TRPC7: variants seen among roughly 807,000 people sequenced by gnomAD.
TRPC7 encodes short transient receptor potential channel 7.
Under a neutral mutation model 90.1 loss-of-function variants are expected in TRPC7, and 42 were observed. The ratio of observed to expected loss-of-function variants is 0.47; its 90% CI spans 0.36 to 0.60. The LOEUF (loss-of-function observed/expected upper bound fraction) is 0.60, where lower values mean the gene tolerates loss of function less well. Ranked by LOEUF, TRPC7 falls within the 20% of genes least tolerant of loss-of-function variation. TRPC7 has a pLI of 0.00. For synonymous variants in TRPC7, 451 were observed against 436.3 expected, an observed-to-expected ratio of 1.03 and a Z score of -0.42; for missense variants, 955 against 1,112.3, an observed-to-expected ratio of 0.86 and a Z score of 2.01.
intron 10 of TRPC7, among the ~76,000 whole-genome samples, chr5:136,218,128 A>G (rs1197886314): frequency 6.8e-6 from 1 of 146,446 alleles, no homozygotes; most frequent in African/African-American, 2.5e-5. Flanking sequence ...TTATATATAA[A>G]ATATATAATA....
rs1760405066 is a variant in TRPC7 at position 136,356,985 on chromosome 5, G to C, written c.403C>G (p.Gln135Glu). The stretch of plus-strand genomic sequence containing the variant: ...TCCAGCGGGCTGAGCGTCAGGCGCT[G>C]GCCCTGCGCGAAGGCCGGGTGGTTG... The part of the protein sequence containing the change: ...ILNHPAFAQG[Q>E]RLTLSPLEQE... The change falls in exon 2 of 12, where the codon CAG (glutamine) becomes GAG (glutamate). Residue 135 changes from glutamine to glutamate, a missense_variant. Physicochemically the swap from Gln to Glu is conservative, Grantham distance 29. Coordinates refer to ENST00000513104, the MANE Select transcript of TRPC7 (RefSeq NM_020389.3). The C allele has an allele frequency of 6.2e-7, 1 of 1,612,466 alleles. No individual in the cohort carries two copies.
intron 11 of TRPC7, among the ~76,000 whole-genome samples, chr5:136,215,816 C>T (rs1755246739): frequency 8.3e-6 from 1 of 120,658 alleles, no homozygotes; most frequent in Non-Finnish European, 1.7e-5. Context: ...GAGTGAGACT[C>T]CATCTCAAAA....
intron 2 of TRPC7, among the ~76,000 whole-genome samples, chr5:136,339,274 C>T (rs1759764303): frequency 6.6e-6 from 1 of 152,206 alleles, no homozygotes; most frequent in South Asian, 2.1e-4. Context: ...ATAAGAGTCC[C>T]TTCCTGAAAC....
At chr5:136,361,082 A>G (rs937601871) in intron 1 of TRPC7, among the ~76,000 whole-genome samples, 9 of 152,138 alleles carry the variant, frequency 5.9e-5, no homozygotes, top group African/African-American at 1.2e-4. Flanking sequence ...CAAAGCTTAC[A>G]CTCATGAATC....
At chr5:136,300,618 G>C (rs921068296) in intron 3 of TRPC7, among the ~76,000 whole-genome samples, 2 of 152,210 alleles carry the variant, frequency 1.3e-5, no homozygotes, top group African/African-American at 4.8e-5. Context: ...ACTGGCATTG[G>C]GGCTTTCCTG....
intron 3 of TRPC7, among the ~76,000 whole-genome samples, chr5:136,306,240 T>C (rs1276671384): frequency 1.3e-5 from 2 of 152,212 alleles, no homozygotes. Context: ...CCTTAGGCAC[T>C]CTCTAATCAT....
chr5:136,231,580 GTT>G (rs1186814047), intron 7 of TRPC7, 31 bp from the exon 8 acceptor site: 30 of 1,543,960 alleles, frequency 1.9e-5, no homozygotes, highest in Non-Finnish European at 2.6e-5. Context: ...CTTTTACGCA[GTT>G]TGCATCAGCT....
At chr5:136,215,608 G>A in intron 11 of TRPC7, among the ~76,000 whole-genome samples, 1 of 152,040 alleles carries the variant, frequency 6.6e-6, no homozygotes, top group Admixed American at 6.6e-5. Context: ...GGATCACAAG[G>A]TCAGGAGTTC....
At chr5:136,213,654 G>A (rs1755165016) in intron 11 of TRPC7, 50 bp from the exon 12 acceptor site, 1 of 1,598,244 alleles carries the variant, frequency 6.3e-7, no homozygotes, top group African/African-American at 1.3e-5. Context: ...GGAAGCTCGG[G>A]GCTTGTCCCA....
chr5:136,244,735 A>G (rs1756281242), intron 7 of TRPC7, among the ~76,000 whole-genome samples: 1 of 152,182 alleles, frequency 6.6e-6, no homozygotes, highest in African/African-American at 2.4e-5. Context: ...CCTTTAGCAG[A>G]TCTAGAGCAA....
At chr5:136,288,883 C>A (rs1021620504) in intron 3 of TRPC7, among the ~76,000 whole-genome samples, 2 of 152,212 alleles carry the variant, frequency 1.3e-5, no homozygotes, top group East Asian at 3.8e-4. Flanking sequence ...AGTCAGATTT[C>A]TCTGGGCAGT....
chr5:136,275,780 A>C (rs1757346878), intron 3 of TRPC7, among the ~76,000 whole-genome samples: 1 of 152,204 alleles, frequency 6.6e-6, no homozygotes, highest in South Asian at 2.1e-4. Flanking sequence ...GTTTAGGACT[A>C]TGTTGAGAGA....
At chr5:136,223,898 C>T (rs1417965722) in intron 10 of TRPC7, among the ~76,000 whole-genome samples, 8 of 152,192 alleles carry the variant, frequency 5.3e-5, no homozygotes, top group Admixed American at 5.2e-4. Flanking sequence ...GCAGATCAAA[C>T]CAGTCAGTGC....
Position 136,341,478 on chromosome 5 carries a change from C to CAT in TRPC7, c.780+15129_780+15130insAT, listed in dbSNP as rs1428518233. Among the ~76,000 whole-genome samples the CAT allele has an allele frequency of 2.0e-5, 3 of 151,114 alleles. No homozygotes were observed. The East Asian group carries it at 5.8e-4, about 29-fold the overall frequency. On this transcript the variant is annotated intron_variant, in intron 2 of 11. Coordinates refer to ENST00000513104, the MANE Select transcript of TRPC7 (RefSeq NM_020389.3). ...ACACATACATATACATATATATACA[C>CAT]ACACACACACACACCTATGTATAAA... is the stretch of plus-strand genomic sequence containing the variant.
intron 2 of TRPC7, among the ~76,000 whole-genome samples, chr5:136,330,994 C>G (rs893335777): frequency 1.3e-5 from 2 of 152,096 alleles, no homozygotes; most frequent in East Asian, 1.9e-4. Context: ...TTTATGGAGT[C>G]CCCCCGCCAG....
intron 2 of TRPC7, among the ~76,000 whole-genome samples, chr5:136,355,751 T>C (rs1268955761): frequency 6.6e-6 from 1 of 152,168 alleles, no homozygotes; most frequent in Non-Finnish European, 1.5e-5. Flanking sequence ...TGAGCCAAGA[T>C]CGTGCCACTG....
chr5:136,354,925 C>T (rs1221901061), intron 2 of TRPC7, among the ~76,000 whole-genome samples: 2 of 152,208 alleles, frequency 1.3e-5, no homozygotes. Context: ...CATTAAGGCC[C>T]AACCCAATTA....
rs955730809 is a variant in TRPC7 at position 136,357,323 on chromosome 5, C to T, written c.65G>A (p.Arg22His). The T allele has an allele frequency of 6.2e-7, 1 of 1,607,372 alleles. No individual in the cohort carries two copies. The highest frequency in any genetic ancestry group is 2.2e-5 in the East Asian group (1 of 44,878). Reference sequence around the variant, plus strand: ...GGCGGGACCCCGGATGGCCTGGCGACGGCCCTTCTCCCTCAGCGTTGTGTG... The same window carrying T: ...GGCGGGACCCCGGATGGCCTGGCGATGGCCCTTCTCCCTCAGCGTTGTGTG... ...RRHTTLREKGRRQAIRGPAYM... is the reference protein window; with the variant it reads ...RRHTTLREKGHRQAIRGPAYM... The change falls in exon 2 of 12, where the codon CGT becomes CAT. Residue 22 changes from arginine to histidine, a missense_variant. Around this residue, in one of 4 missense-constraint regions of TRPC7, gnomAD observed 161 missense variants for 145.7 expected, o/e 1.10. Coordinates refer to ENST00000513104, the MANE Select transcript of TRPC7 (RefSeq NM_020389.3).
chr5:136,249,513 GT>G (rs1310676254), intron 6 of TRPC7, among the ~76,000 whole-genome samples: 1 of 152,086 alleles, frequency 6.6e-6, no homozygotes, highest in African/African-American at 2.4e-5. Context: ...AACTTCTCCC[GT>G]TAAACAGAAG....
Sources: gnomAD v4.1 joint callset for allele counts (sites outside exome capture counted in the v4.1 genomes callset) on GRCh38, gnomAD v4.1.1 for gene constraint, gnomAD v4.1.1 regional missense constraint, MANE v1.5 for transcripts, NCBI Gene and HGNC (gene_info 2026-07-23, HGNC 2026-07-21) for gene names.